TTC23: variants seen among roughly 807,000 people sequenced by gnomAD.
The protein encoded by TTC23 is tetratricopeptide repeat domain 23, also known as tetratricopeptide repeat protein 23.
In TTC23, 58 loss-of-function variants were observed where a neutral mutation model predicts 55.1. The ratio of observed to expected loss-of-function variants is 1.05; its 90% CI spans 0.85 to 1.31. TTC23 has a LOEUF of 1.31. TTC23 is among the 50% of genes most tolerant of loss of function. TTC23 has a pLI of 0.00. For synonymous variants in TTC23, 203 were observed against 199.9 expected (o/e 1.02, Z -0.13); for missense variants, 516 against 534.4 (o/e 0.97, Z 0.34).
At chr15:99,171,273 C>T (rs1172222411) in intron 10 of TTC23, among the ~76,000 whole-genome samples, 2 of 152,100 alleles carry the variant, frequency 1.3e-5, no homozygotes, top group Admixed American at 6.5e-5. Context: ...CAAGGGCCTG[C>T]CTAGGAGCAC....
At chr15:99,224,914 C>T (rs1431858885) in intron 5 of TTC23, among the ~76,000 whole-genome samples, 1 of 152,154 alleles carries the variant, frequency 6.6e-6, no homozygotes, top group African/African-American at 2.4e-5. Flanking sequence ...GTTTGTACTT[C>T]TTTTGGGAAT....
intron 1 of TTC23, among the ~76,000 whole-genome samples, chr15:99,246,293 A>G (rs1411255100): frequency 1.3e-5 from 2 of 152,262 alleles, no homozygotes; most frequent in African/African-American, 4.8e-5. Context: ...AAAGGACTTT[A>G]ACCACAATAT....
At chr15:99,165,597 T>C (rs2071967131) in intron 10 of TTC23, among the ~76,000 whole-genome samples, 1 of 152,086 alleles carries the variant, frequency 6.6e-6, no homozygotes, top group Non-Finnish European at 1.5e-5. Context: ...TGAACTGGAT[T>C]CTTGTAACCC....
At chr15:99,143,232 A>G (rs2068451916) in intron 12 of TTC23, among the ~76,000 whole-genome samples, 1 of 152,368 alleles carries the variant, frequency 6.6e-6, no homozygotes, top group African/African-American at 2.4e-5. Context: ...CTACTAGAAA[A>G]TGTTTTATAT....
intron 8 of TTC23, among the ~76,000 whole-genome samples, chr15:99,213,666 T>C (rs2077221152): frequency 6.6e-6 from 1 of 152,248 alleles, no homozygotes. Flanking sequence ...AATGGAATTG[T>C]ACAGTATGAT....
At chr15:99,181,266 G>A (rs1427415385) in intron 9 of TTC23, among the ~76,000 whole-genome samples, 1 of 151,708 alleles carries the variant, frequency 6.6e-6, no homozygotes, top group Non-Finnish European at 1.5e-5. Flanking sequence ...ATATTTAAGG[G>A]TCAGAGAAAG....
intron 12 of TTC23, chr15:99,145,232 A>G (rs1234895088): frequency 6.6e-6 from 1 of 152,236 alleles, no homozygotes; most frequent in African/African-American, 2.4e-5. Context: ...GCTGAACACC[A>G]GCAACACGCC....
chr15:99,157,165 G>A (rs905649875), intron 11 of TTC23: 5 of 127,218 alleles, frequency 3.9e-5, no homozygotes, highest in Non-Finnish European at 8.0e-5. Flanking sequence ...CCGTCTCACC[G>A]TCTCAGCAGA....
intron 9 of TTC23, among the ~76,000 whole-genome samples, chr15:99,181,594 C>CA (rs1341462063): frequency 6.6e-6 from 1 of 152,174 alleles, no homozygotes; most frequent in East Asian, 1.9e-4. Context: ...TTCACCCTGC[C>CA]AAAACTGGTC....
At chr15:99,164,664 CCTCT>C (rs1240534665) in intron 10 of TTC23, among the ~76,000 whole-genome samples, 1 of 152,200 alleles carries the variant, frequency 6.6e-6, no homozygotes, top group Admixed American at 6.5e-5. Flanking sequence ...ATTTGTACTT[CCTCT>C]CTGTTTTCTT....
intron 13 of TTC23, among the ~76,000 whole-genome samples, chr15:99,138,559 C>T (rs142550887): frequency 2.0e-5 from 3 of 152,340 alleles, no homozygotes; most frequent in East Asian, 1.9e-4. Flanking sequence ...AGTGATCCAC[C>T]GCCTCGGCCT....
chr15:99,167,951 C>T (rs1422571005), intron 10 of TTC23, among the ~76,000 whole-genome samples: 3 of 152,354 alleles, frequency 2.0e-5, no homozygotes, highest in African/African-American at 7.2e-5. Flanking sequence ...GGAGCTCCCT[C>T]ACCCAGGAAA....
chr15:99,236,822 T>C (rs1439082440), intron 3 of TTC23, among the ~76,000 whole-genome samples: 2 of 152,234 alleles, frequency 1.3e-5, no homozygotes, highest in Admixed American at 1.3e-4. Context: ...GGATTACCTT[T>C]TGTTGATTAT....
chr15:99,231,494 A>G (rs1467905027), intron 4 of TTC23, among the ~76,000 whole-genome samples: 1 of 151,964 alleles, frequency 6.6e-6, no homozygotes, highest in Non-Finnish European at 1.5e-5. Flanking sequence ...TTTGTGTCTT[A>G]ATTTTGTTTT....
intron 4 of TTC23, 94 bp from the exon 5 acceptor site, chr15:99,228,826 G>C (rs142399060): frequency 2.0e-6 from 2 of 1,020,344 alleles, no homozygotes; most frequent in African/African-American, 3.2e-5. Context: ...TAATTTCTTT[G>C]AAATTAGTAG....
At chr15:99,145,263 G>C (rs1416056152) in intron 12 of TTC23, 2 of 152,266 alleles carry the variant, frequency 1.3e-5, no homozygotes, top group African/African-American at 2.4e-5. Context: ...CTACTTCGGG[G>C]ATGGAGTGGA....
intron 3 of TTC23, among the ~76,000 whole-genome samples, chr15:99,240,385 GTA>G (rs1002566301): frequency 1.3e-5 from 2 of 151,926 alleles, no homozygotes; most frequent in African/African-American, 4.8e-5. Context: ...CATCTAACTT[GTA>G]TATATATATT....
intron 8 of TTC23, among the ~76,000 whole-genome samples, chr15:99,211,440 T>C (rs1159458953): frequency 2.0e-5 from 3 of 151,732 alleles, no homozygotes; most frequent in African/African-American, 4.8e-5. Context: ...GCTTAGATGA[T>C]TCATGAGAGC....
intron 8 of TTC23, among the ~76,000 whole-genome samples, chr15:99,216,231 A>T (rs2077466074): frequency 6.6e-6 from 1 of 152,234 alleles, no homozygotes; most frequent in Admixed American, 6.5e-5. Context: ...TGAGTTATGA[A>T]ATACTAAGAA....
Sources: allele counts gnomAD v4.1 joint callset (sites outside exome capture counted in the v4.1 genomes callset), GRCh38; gene constraint gnomAD v4.1.1; transcripts MANE v1.5; gene names NCBI Gene and HGNC (gene_info 2026-07-23, HGNC 2026-07-21).